Variants in OSBPL9 observed in about 807,000 individuals in gnomAD.
OSBPL9 encodes oxysterol-binding protein-related protein 9.
In OSBPL9, 40 loss-of-function variants were observed where a neutral mutation model predicts 106.6. The ratio of observed to expected loss-of-function variants is 0.38; its 90% CI spans 0.29 to 0.49. The LOEUF is 0.49. Ranked by LOEUF, OSBPL9 falls within the 20% of genes least tolerant of loss-of-function variation. The pLI is 0.97. For missense variants in OSBPL9, 609 were observed against 887.2 expected (o/e 0.69, Z 3.98); for synonymous variants, 269 against 295.4 (o/e 0.91, Z 0.92).
rs1663797484 is a variant in OSBPL9, at chr1:51,729,529, G to A, written c.318+15450G>A. Reference sequence around the variant, plus strand: ...CGCCGCAGAAGCCGCGTGTCCCCAGGCGCACTCCCCCAAGGTGAACCCCCG... The same window carrying A: ...CGCCGCAGAAGCCGCGTGTCCCCAGACGCACTCCCCCAAGGTGAACCCCCG... On this transcript the variant is annotated intron_variant, in intron 4 of 23. Transcript: ENST00000428468. The surrounding 1 kb of genome is among the most constrained non-coding windows in gnomAD (Gnocchi z 5.1). 1 of 155,066 alleles carries A rather than the reference G, an allele frequency of 6.4e-6. No individual in the cohort carries two copies. Among genetic ancestry groups the A allele is most frequent in the Non-Finnish European group, 1.4e-5 (1 of 70,136 alleles). The allele number at this position is 155,066 out of a possible 1,614,324, so 9.6% of individuals were successfully genotyped here.
At position 51,714,525 on chromosome 1, in the gene OSBPL9, A is replaced by G. The variant is rs1310883056; in HGVS notation, c.318+446A>G. 2.0e-5 allele frequency among the ~76,000 whole-genome samples: 3 copies of G among 152,188 alleles called. No homozygotes were observed. The East Asian group carries it at 5.8e-4, about 29-fold the overall frequency. On this transcript the variant is annotated intron_variant, in intron 4 of 23. Coordinates refer to ENST00000428468, the MANE Select transcript of OSBPL9 (RefSeq NM_024586.6). ...TGGTAGTGAAAGAAAACTCAACCCA[A>G]ACTGATTCATGAAGAAGAAAGTAAA...
intron 4 of OSBPL9, among the ~76,000 whole-genome samples, chr1:51,722,924 G>A (rs1292428817): frequency 6.6e-6 from 1 of 152,236 alleles, no homozygotes; most frequent in African/African-American, 2.4e-5. Flanking sequence ...CATTTGGCCT[G>A]ACTTGCTAGG....
intron 3 of OSBPL9, among the ~76,000 whole-genome samples, chr1:51,682,376 A>G (rs1423246529): frequency 1.3e-5 from 2 of 152,056 alleles, no homozygotes; most frequent in Non-Finnish European, 2.9e-5. Context: ...TATGTAACGC[A>G]CTCCCCGCAT....
In OSBPL9 at chr1:51,786,624, C is replaced by A; in HGVS notation, c.2000+7C>A. 1 of 1,605,938 alleles carries A rather than the reference C, an allele frequency of 6.2e-7. No homozygotes were observed. Among genetic ancestry groups the A allele is most frequent in the Non-Finnish European group, 8.5e-7 (1 of 1,173,196 alleles). On this transcript the variant is annotated splice_region_variant and intron_variant, in intron 22 of 23. Transcript: ENST00000428468. ...ACGAGTATGAATCCCGCAGGTAAGCCGACATTGTTAAGTGGAACTATTGCT... is the reference window on the plus strand; with the variant it reads ...ACGAGTATGAATCCCGCAGGTAAGCAGACATTGTTAAGTGGAACTATTGCT...
chr1:51,580,051 A>C (rs1300824120), intron 1 of OSBPL9, among the ~76,000 whole-genome samples: 1 of 152,030 alleles, frequency 6.6e-6, no homozygotes, highest in South Asian at 2.1e-4. Context: ...ACTGATTCTC[A>C]TGAGACCAGT....
At chr1:51,629,930 CAG>C (rs892506571) in intron 1 of OSBPL9, among the ~76,000 whole-genome samples, 9 of 151,128 alleles carry the variant, frequency 6.0e-5, no homozygotes, top group Admixed American at 5.3e-4. Context: ...GCCTGGGCGA[CAG>C]AGCCATATTC....
In OSBPL9 at chr1:51,729,884, G is replaced by T; in HGVS notation, c.319-15652G>T. 7.9e-7 allele frequency: 1 copy of T among 1,260,184 alleles called. No homozygotes were observed. Among genetic ancestry groups the T allele is most frequent in the Non-Finnish European group, 1.0e-6 (1 of 994,842 alleles). The allele number at this position is 1,260,184 out of a possible 1,614,324, so 78.1% of individuals were successfully genotyped here. A position where few individuals can be genotyped will look rare whatever the true frequency, so the allele number is the denominator to read the frequency against. On this transcript the variant is annotated intron_variant, in intron 4 of 23. Coordinates refer to ENST00000428468, the MANE Select transcript of OSBPL9 (RefSeq NM_024586.6). The surrounding 1 kb of genome is among the most constrained non-coding windows in gnomAD (Gnocchi z 5.1). Reference sequence around the variant, plus strand: ...TCAGGACCGCCTGCACCGCAGTCCGGGGATCGGGTCGAGGGGAGAAGAAAA... The same window carrying T: ...TCAGGACCGCCTGCACCGCAGTCCGTGGATCGGGTCGAGGGGAGAAGAAAA...
At chr1:51,642,806 A>G (rs1645888402) in intron 1 of OSBPL9, among the ~76,000 whole-genome samples, 1 of 152,166 alleles carries the variant, frequency 6.6e-6, no homozygotes. Flanking sequence ...TCTCTGGGAA[A>G]TGAGAGAGGG....
chr1:51,760,506 A>G, intron 9 of OSBPL9, 184 bp from the exon 10 acceptor site: 1 of 724,976 alleles, frequency 1.4e-6, no homozygotes, highest in Non-Finnish European at 2.1e-6. Flanking sequence ...GTCTTTCCTT[A>G]CTATGCTTTA....
intron 3 of OSBPL9, among the ~76,000 whole-genome samples, chr1:51,686,082 G>A (rs1195371212): frequency 1.3e-5 from 2 of 152,090 alleles, no homozygotes; most frequent in South Asian, 2.1e-4. Context: ...AATTTTTCTT[G>A]GAGGGGATGA....
At chr1:51,616,605 A>G (rs980876838), upstream of OSBPL9, among the ~76,000 whole-genome samples, 5 of 152,082 alleles carry the variant, frequency 3.3e-5, no homozygotes, top group African/African-American at 1.2e-4. Context: ...GTTTTTCTCC[A>G]TAGCATTTAT....
intron 2 of OSBPL9, among the ~76,000 whole-genome samples, chr1:51,604,771 A>C (rs1192187614): frequency 6.6e-6 from 1 of 151,836 alleles, no homozygotes; most frequent in African/African-American, 2.4e-5. Flanking sequence ...CTCCTGCCTC[A>C]GCCTCCCAAG....
At chr1:51,748,316 C>A in intron 6 of OSBPL9, 53 bp from the exon 7 acceptor site, 1 of 1,494,858 alleles carries the variant, frequency 6.7e-7, no homozygotes, top group Non-Finnish European at 8.8e-7. Flanking sequence ...AAAAAATAAC[C>A]GTCCTTCTTT....
chr1:51,631,998 A>G (rs1021076704), intron 1 of OSBPL9, among the ~76,000 whole-genome samples: 14 of 152,208 alleles, frequency 9.2e-5, no homozygotes, highest in African/African-American at 1.2e-4. Flanking sequence ...CTTTAGGGCA[A>G]TAACTCACAT....
At chr1:51,569,557 T>C in the OSBPL9 span, 2 of 152,172 alleles carry the variant, frequency 1.3e-5, no homozygotes, top group Non-Finnish European at 2.9e-5. Flanking sequence ...CCAAACATGA[T>C]GTGATACTTG....
At chr1:51,519,271 T>C in the OSBPL9 span, 3 of 1,058,070 alleles carry the variant, frequency 2.8e-6, no homozygotes, top group Non-Finnish European at 3.5e-6. Flanking sequence ...GAAGACGGGC[T>C]GACTGGGGCT....
chr1:51,592,817 C>A (rs1170605991), intron 1 of OSBPL9, among the ~76,000 whole-genome samples: 3 of 152,142 alleles, frequency 2.0e-5, no homozygotes, highest in Non-Finnish European at 4.4e-5. Flanking sequence ...TTTACTCCCC[C>A]ATTGGACAAG....
the OSBPL9 span, among the ~76,000 whole-genome samples, chr1:51,570,341 T>C: frequency 6.6e-6 from 1 of 152,254 alleles, no homozygotes; most frequent in Non-Finnish European, 1.5e-5. Flanking sequence ...CTAATTTCTC[T>C]GCTTTATCAT....
intron 3 of OSBPL9, among the ~76,000 whole-genome samples, chr1:51,674,992 A>C (rs973525736): frequency 7.9e-5 from 12 of 152,244 alleles, no homozygotes; most frequent in African/African-American, 2.9e-4. Context: ...CCTGTGCTAC[A>C]TGCAGCCTGT....
Sources: allele counts gnomAD v4.1 joint callset (sites outside exome capture counted in the v4.1 genomes callset), GRCh38; gene constraint gnomAD v4.1.1; non-coding constraint Gnocchi (gnomAD v3.1); transcripts MANE v1.5; gene names NCBI Gene and HGNC (gene_info 2026-07-23, HGNC 2026-07-21).